Variants in KCNQ5 observed in about 807,000 individuals in gnomAD.
The protein encoded by KCNQ5 is potassium voltage-gated channel subfamily KQT member 5.
Under a neutral mutation model 98.2 loss-of-function variants are expected in KCNQ5, and 30 were observed. The ratio of observed to expected loss-of-function variants is 0.31; its 90% CI spans 0.23 to 0.41. KCNQ5 has a LOEUF of 0.41. KCNQ5 is among the 10% of genes least tolerant of loss of function. KCNQ5 has a pLI of 1.00. For synonymous variants in KCNQ5, 458 were observed against 449.4 expected, an observed-to-expected ratio of 1.02 and a Z score of -0.24; for missense variants, 835 against 1,182.5, an observed-to-expected ratio of 0.71 and a Z score of 4.31.
At chr6:72,944,036 A>G (rs1766427374) in intron 1 of KCNQ5, among the ~76,000 whole-genome samples, 1 of 152,202 alleles carries the variant, frequency 6.6e-6, no homozygotes, top group Non-Finnish European at 1.5e-5. Flanking sequence ...TAGACCCAGA[A>G]TGTTTAGCCC....
chr6:72,918,043 A>G (rs1214441374), intron 1 of KCNQ5, among the ~76,000 whole-genome samples: 1 of 152,116 alleles, frequency 6.6e-6, no homozygotes, highest in Non-Finnish European at 1.5e-5. Context: ...ATGTCTCCAG[A>G]TATTGCCAAA....
chr6:72,741,815 G>T (rs1182779873), intron 1 of KCNQ5, among the ~76,000 whole-genome samples: 1 of 152,146 alleles, frequency 6.6e-6, no homozygotes, highest in African/African-American at 2.4e-5. Context: ...ATGCTTCCTG[G>T]TGGTAGTTTC....
chr6:73,014,072 C>T (rs1258151517), intron 2 of KCNQ5, among the ~76,000 whole-genome samples: 1 of 152,012 alleles, frequency 6.6e-6, no homozygotes, highest in South Asian at 2.1e-4. Context: ...GAAGTGAGTT[C>T]TCCTATTTCC....
At chr6:72,772,890 A>G (rs767557750) in intron 1 of KCNQ5, among the ~76,000 whole-genome samples, 89 of 152,178 alleles carry the variant, frequency 5.8e-4, no homozygotes, top group Admixed American at 5.9e-4. Context: ...TGAAAGGATA[A>G]TGTCTGCACA....
chr6:72,973,511 T>TC (rs991320490), intron 1 of KCNQ5, among the ~76,000 whole-genome samples: 1 of 152,160 alleles, frequency 6.6e-6, no homozygotes, highest in Non-Finnish European at 1.5e-5. Context: ...TTCCTTTGTT[T>TC]CCCAAAGCTT....
intron 1 of KCNQ5, among the ~76,000 whole-genome samples, chr6:72,837,111 C>G (rs899007489): frequency 6.6e-6 from 1 of 152,180 alleles, no homozygotes; most frequent in Non-Finnish European, 1.5e-5. Context: ...TTAGCACCTC[C>G]TGGAGACCAC....
chr6:73,032,742 A>C (rs763385035), intron 2 of KCNQ5, among the ~76,000 whole-genome samples: 1 of 152,084 alleles, frequency 6.6e-6, no homozygotes, highest in Non-Finnish European at 1.5e-5. Flanking sequence ...TTTATGATTC[A>C]TACATGAATC....
intron 1 of KCNQ5, among the ~76,000 whole-genome samples, chr6:72,705,047 T>A (rs545440391): frequency 8.5e-5 from 13 of 152,176 alleles, no homozygotes; most frequent in Non-Finnish European, 1.5e-4. Context: ...TAATTTTTAT[T>A]CTTTTCTGCC....
At chr6:72,634,801 C>T (rs1168327044) in intron 1 of KCNQ5, among the ~76,000 whole-genome samples, 1 of 152,180 alleles carries the variant, frequency 6.6e-6, no homozygotes, top group Admixed American at 6.5e-5. Flanking sequence ...CTCCTGACCT[C>T]AGGTGATCCA....
intron 10 of KCNQ5, among the ~76,000 whole-genome samples, chr6:73,147,846 T>C (rs1438320847): frequency 1.3e-5 from 2 of 152,164 alleles, no homozygotes. Flanking sequence ...AAAATCGTTA[T>C]TGCTGAATCA....
chr6:73,191,626 C>T (rs1033800027), intron 12 of KCNQ5, among the ~76,000 whole-genome samples: 2 of 151,930 alleles, frequency 1.3e-5, no homozygotes, highest in Non-Finnish European at 2.9e-5. Flanking sequence ...ATAATGGGCC[C>T]TTAGTAAAAT....
At chr6:72,885,182 A>G (rs1778802702) in intron 1 of KCNQ5, among the ~76,000 whole-genome samples, 1 of 152,370 alleles carries the variant, frequency 6.6e-6, no homozygotes, top group Middle Eastern at 3.4e-3. Context: ...TGTCAGCTTC[A>G]TAAGTGCAGG....
chr6:72,743,834 AT>A (rs1006107268), intron 1 of KCNQ5, among the ~76,000 whole-genome samples: 7 of 152,122 alleles, frequency 4.6e-5, no homozygotes, highest in African/African-American at 1.7e-4. Context: ...TGTGACATGA[AT>A]TTTTTTATTG....
intron 1 of KCNQ5, among the ~76,000 whole-genome samples, chr6:72,849,430 T>G (rs1777155972): frequency 6.6e-6 from 1 of 152,166 alleles, no homozygotes; most frequent in Non-Finnish European, 1.5e-5. Flanking sequence ...TTCCCTTTTC[T>G]CTGCATCCTT....
At chr6:73,010,507 GTACTAATTGCTAGC>G (rs1426170612) in intron 2 of KCNQ5, among the ~76,000 whole-genome samples, 2 of 151,910 alleles carry the variant, frequency 1.3e-5, no homozygotes, top group African/African-American at 4.8e-5. Context: ...CTAGACGGCT[GTACTAATTGCTAGC>G]TAGAGCAATT....
chr6:72,914,550 CT>C (rs1354425012), intron 1 of KCNQ5, among the ~76,000 whole-genome samples: 3 of 146,860 alleles, frequency 2.0e-5, no homozygotes, highest in Middle Eastern at 3.4e-3. Flanking sequence ...CACCTTCCCC[CT>C]GACACATCTA....
chr6:72,903,743 G>A (rs1191714655), intron 1 of KCNQ5, among the ~76,000 whole-genome samples: 1 of 152,064 alleles, frequency 6.6e-6, no homozygotes, highest in Admixed American at 6.6e-5. Flanking sequence ...CTTGTTTGTG[G>A]CCTATGATAT....
intron 1 of KCNQ5, among the ~76,000 whole-genome samples, chr6:72,664,660 A>AAAAC (rs146656242): frequency 1.7e-3 from 263 of 150,608 alleles, no homozygotes; most frequent in East Asian, 2.8e-3. Context: ...TGTCTCAAGA[A>AAAAC]AAACAAACAA....
intron 1 of KCNQ5, among the ~76,000 whole-genome samples, chr6:72,754,521 G>A (rs569905963): frequency 3.9e-4 from 59 of 152,178 alleles, no homozygotes; most frequent in African/African-American, 1.4e-3. Flanking sequence ...CCACATTTGA[G>A]GGAAGAGAGA....
Sources: allele counts gnomAD v4.1 joint callset (sites outside exome capture counted in the v4.1 genomes callset), GRCh38; gene constraint gnomAD v4.1.1; transcripts MANE v1.5; gene names NCBI Gene and HGNC (gene_info 2026-07-23, HGNC 2026-07-21).